Variants in ZNF26 observed in about 807,000 individuals in gnomAD.
ZNF26 encodes the protein epididymis luminal protein 179.
A neutral mutation model predicts 54.9 loss-of-function variants in ZNF26; 32 were observed. The ratio of observed to expected loss-of-function variants is 0.58; its 90% CI spans 0.44 to 0.78. ZNF26 has a LOEUF of 0.78. Among genes scored for constraint, ZNF26 ranks in the 30% least tolerant of loss-of-function variants. The pLI is 0.00. For synonymous variants in ZNF26, 221 were observed against 209.2 expected, an observed-to-expected ratio of 1.06 and a Z score of -0.49; for missense variants, 524 against 634.0, an observed-to-expected ratio of 0.83 and a Z score of 1.86.
At position 133,013,561 on chromosome 12, in the gene ZNF26, T is replaced by C. The variant is rs899260130; in HGVS notation, c.*2080T>C. ...CCTGAGGCCTCAGCCTAGCAAACTCTTCTGATAGACTTTGAATAGGAATGT... is the reference window on the plus strand; with the variant it reads ...CCTGAGGCCTCAGCCTAGCAAACTCCTCTGATAGACTTTGAATAGGAATGT... On this transcript the variant is annotated 3_prime_UTR_variant, in exon 4 of 4. Coordinates refer to ENST00000328654, the MANE Select transcript of ZNF26 (RefSeq NM_019591.4). 6.4e-6 allele frequency: 1 copy of C among 156,902 alleles called. No homozygotes were observed. Among genetic ancestry groups the C allele is most frequent in the Non-Finnish European group, 1.4e-5 (1 of 70,174 alleles). 9.7% of individuals were successfully genotyped at this position (156,902 alleles called of 1,614,324 possible). A position where few individuals can be genotyped will look rare whatever the true frequency, so the allele number is the denominator to read the frequency against.
intron 1 of ZNF26, among the ~76,000 whole-genome samples, chr12:132,992,355 C>A (rs1157299026): frequency 6.6e-6 from 1 of 151,418 alleles, no homozygotes; most frequent in Non-Finnish European, 1.5e-5. Flanking sequence ...ACTCCATTTT[C>A]TTGCTTGTGT....
rs1953632153 is a variant in ZNF26, at chr12:133,020,992, G to C, written c.*9511G>C. 1 of 150,584 alleles carries C rather than the reference G, an allele frequency of 6.6e-6. No individual in the cohort carries two copies. Among genetic ancestry groups the C allele is most frequent in the Non-Finnish European group, 1.5e-5 (1 of 67,020 alleles). 9.3% of individuals were successfully genotyped at this position (150,584 alleles called of 1,614,324 possible). A position where few individuals can be genotyped will look rare whatever the true frequency, so the allele number is the denominator to read the frequency against. ...CTCTCCAAATAAGGCCTCACTCTGA[G>C]GTATGGAAATTAGGACCCCAACATA... On this transcript the variant is annotated 3_prime_UTR_variant, in exon 4 of 4. Transcript: ENST00000328654.
intron 1 of ZNF26, among the ~76,000 whole-genome samples, chr12:132,997,123 TATGGTAAGTACCTGGTCTGACAC>T (rs1343750828): frequency 1.3e-5 from 2 of 152,182 alleles, no homozygotes; most frequent in African/African-American, 4.8e-5. Context: ...GGGTAGGATT[TATGGTAAGTACCTGGTCTGACAC>T]AAGGAACAAT....
At position 133,010,792 on chromosome 12, in the gene ZNF26, C is replaced by T; in HGVS notation, c.913C>T (p.Gln305Ter). 3.1e-6 allele frequency: 5 copies of T among 1,614,004 alleles called. No homozygotes were observed. The highest frequency in any genetic ancestry group is 4.2e-6 in the Non-Finnish European group (5 of 1,180,012). The change falls in exon 4 of 4, where the codon CAG (glutamine) becomes TAG (stop). Residue 305 changes from glutamine to a stop codon, truncating the protein, a stop_gained. Coordinates refer to ENST00000328654, the MANE Select transcript of ZNF26 (RefSeq NM_019591.4). LOFTEE classifies it high-confidence loss of function. ...TTTGAAGTCTCCATTCGTTGTACAC[C>T]AGAGAACTCATACAGGAGTGAAACC... ...FSLKSPFVVH[Q>*]RTHTGVKPHK...
Position 133,016,115 on chromosome 12 carries a change from C to G in ZNF26, c.*4634C>G, listed in dbSNP as rs1288550825. ...TGAGACAGAGTCTCACTGTGTCACC[C>G]ATGCTGGAGTGCAGTGGCGTGATCT... On this transcript the variant is annotated 3_prime_UTR_variant, in exon 4 of 4. Coordinates refer to ENST00000328654, the MANE Select transcript of ZNF26 (RefSeq NM_019591.4). 6.8e-6 allele frequency: 1 copy of G among 146,716 alleles called. No individual in the cohort carries two copies. Among genetic ancestry groups the G allele is most frequent in the East Asian group, 2.1e-4 (1 of 4,836 alleles). The allele number at this position is 146,716 out of a possible 1,614,324, so 9.1% of individuals were successfully genotyped here. A position where few individuals can be genotyped will look rare whatever the true frequency, so the allele number is the denominator to read the frequency against.
At chr12:132,992,952 G>A (rs1023915700) in intron 1 of ZNF26, among the ~76,000 whole-genome samples, 14 of 149,592 alleles carry the variant, frequency 9.4e-5, no homozygotes, top group Admixed American at 2.7e-4. Context: ...CCTCAATCTC[G>A]TGCAGTCTAC....
rs372159146 is a variant in ZNF26, at chr12:133,012,054, A to G, written c.*573A>G. 6.6e-6 allele frequency: 1 copy of G among 152,246 alleles called. No individual in the cohort carries two copies. Among genetic ancestry groups the G allele is most frequent in the African/African-American group, 2.4e-5 (1 of 41,530 alleles). 9.4% of individuals were successfully genotyped at this position (152,246 alleles called of 1,614,324 possible). A position where few individuals can be genotyped will look rare whatever the true frequency, so the allele number is the denominator to read the frequency against. On this transcript the variant is annotated 3_prime_UTR_variant, in exon 4 of 4. Coordinates refer to ENST00000328654, the MANE Select transcript of ZNF26 (RefSeq NM_019591.4). Reference sequence around the variant, plus strand: ...ACTTGTTCTATCTATCTATATATATATTTGATAGTTTGTGGAATAATATCC... The same window carrying G: ...ACTTGTTCTATCTATCTATATATATGTTTGATAGTTTGTGGAATAATATCC...
chr12:133,013,146 T>C lies in ZNF26; in HGVS notation c.*1665T>C, dbSNP rs1953518379. 6.6e-6 allele frequency: 1 copy of C among 152,300 alleles called. No homozygotes were observed. Among genetic ancestry groups the C allele is most frequent in the Non-Finnish European group, 1.5e-5 (1 of 68,026 alleles). 9.4% of individuals were successfully genotyped at this position (152,300 alleles called of 1,614,324 possible). Reference sequence around the variant, plus strand: ...TAGCATTATAAGAATTTTAAATTTATGAGAAAATCTGAGACAGGGGCAGAG... The same window carrying C: ...TAGCATTATAAGAATTTTAAATTTACGAGAAAATCTGAGACAGGGGCAGAG... On this transcript the variant is annotated 3_prime_UTR_variant, in exon 4 of 4. Coordinates refer to ENST00000328654, the MANE Select transcript of ZNF26 (RefSeq NM_019591.4).
intron 1 of ZNF26, among the ~76,000 whole-genome samples, chr12:133,000,464 A>G (rs1452163359): frequency 6.5e-5 from 7 of 107,960 alleles, no homozygotes; most frequent in African/African-American, 2.2e-4. Context: ...TCGCTCTGTC[A>G]CCCAGGCTGG....
intron 1 of ZNF26, among the ~76,000 whole-genome samples, chr12:132,989,365 A>G (rs1426698812): frequency 6.6e-6 from 1 of 152,142 alleles, no homozygotes; most frequent in Non-Finnish European, 1.5e-5. Flanking sequence ...TTGCACAATT[A>G]TGCCATCTGT....
rs1256363632 is a variant in ZNF26 at position 133,001,264 on chromosome 12, CT to C, written c.34-5775del. Among the ~76,000 whole-genome samples the C allele has an allele frequency of 6.6e-6, 1 of 152,136 alleles. No homozygotes were observed. The highest frequency in any genetic ancestry group is 2.4e-5 in the African/African-American group (1 of 41,440). On this transcript the variant is annotated intron_variant, in intron 1 of 3. Coordinates refer to ENST00000328654, the MANE Select transcript of ZNF26 (RefSeq NM_019591.4). This position sits in a 1 kb window ranked among gnomAD's most constrained non-coding sequence, Gnocchi z 4.7. ...CTTGTTTGTTATTGACTCTCAGTTA[CT>C]TTCAGGTATGGGAAAGTTCAGTCCA... is the stretch of plus-strand genomic sequence containing the variant.
chr12:133,010,165 C>A lies in ZNF26; in HGVS notation c.286C>A (p.Gln96Lys). ...DGWEEWYQNNQDELESIERSY... is the reference protein window; with the variant it reads ...DGWEEWYQNNKDELESIERSY... Reference sequence around the variant, plus strand: ...CTGGGAAGAATGGTACCAGAACAATCAAGATGAGCTTGAGAGTATTGAAAG... The same window carrying A: ...CTGGGAAGAATGGTACCAGAACAATAAAGATGAGCTTGAGAGTATTGAAAG... Residue 96 changes from glutamine (Q) to lysine (K), a missense_variant, in exon 4 of 4, where the codon CAA becomes AAA. Physicochemically the swap from Gln to Lys is moderately conservative, Grantham distance 53 (BLOSUM62 1). Transcript: ENST00000328654. 6.2e-7 allele frequency: 1 copy of A among 1,600,372 alleles called. No individual in the cohort carries two copies. Among genetic ancestry groups the A allele is most frequent in the South Asian group, 1.1e-5 (1 of 87,488 alleles).
Position 133,007,506 on chromosome 12 carries a change from C to G in ZNF26, c.230C>G (p.Ala77Gly). ...EQGEDPWIINAKISRQSCPDG... is the reference protein window; with the variant it reads ...EQGEDPWIINGKISRQSCPDG... ...GGAGAAGATCCATGGATAATAAATGCCAAAATTTCCAGGCAGAGCTGTCCA... is the reference window on the plus strand; with the variant it reads ...GGAGAAGATCCATGGATAATAAATGGCAAAATTTCCAGGCAGAGCTGTCCA... The change falls in exon 3 of 4, where the codon GCC becomes GGC. Residue 77 changes from alanine to glycine, a missense_variant. Coordinates refer to ENST00000328654, the MANE Select transcript of ZNF26 (RefSeq NM_019591.4). The G allele has an allele frequency of 6.2e-7, 1 of 1,613,556 alleles. No individual in the cohort carries two copies. Among genetic ancestry groups the G allele is most frequent in the Non-Finnish European group, 8.5e-7 (1 of 1,179,694 alleles).
rs944444374 is a variant in ZNF26 at position 133,021,514 on chromosome 12, C to G, written c.*10033C>G. 1 of 151,268 alleles carries G rather than the reference C, an allele frequency of 6.6e-6. No individual in the cohort carries two copies. The highest frequency in any genetic ancestry group is 6.6e-5 in the Admixed American group (1 of 15,198). The allele number at this position is 151,268 out of a possible 1,614,324, so 9.4% of individuals were successfully genotyped here. On this transcript the variant is annotated 3_prime_UTR_variant, in exon 4 of 4. Transcript: ENST00000328654. ...GGCATGGTGGCTCACATCTGTAATC[C>G]TAGCATTTTGGGAGGCCGAGGCGGG...
intron 1 of ZNF26, among the ~76,000 whole-genome samples, chr12:132,989,376 G>A (rs1489309290): frequency 2.6e-5 from 4 of 152,088 alleles, no homozygotes; most frequent in Non-Finnish European, 5.9e-5. Context: ...TGCCATCTGT[G>A]AACAAAGTTT....
Position 133,001,477 on chromosome 12 carries a change from C to A in ZNF26, c.34-5565C>A, listed in dbSNP as rs4758929. ...TCTCCTGTTGTGCGGTGGTCAGTAC[C>A]CAGAGTTATGACAGGCATCAGTGGG... On this transcript the variant is annotated intron_variant, in intron 1 of 3. Transcript: ENST00000328654. The surrounding 1 kb of genome is among the most constrained non-coding windows in gnomAD (Gnocchi z 4.7). 0.66 allele frequency among the ~76,000 whole-genome samples: 99,986 copies of A among 152,086 alleles called. 33,401 individuals are homozygous for A. The highest frequency in any genetic ancestry group is 0.86 in the East Asian group (4,468 of 5,174).
At chr12:133,000,877 G>C (rs1029960776) in intron 1 of ZNF26, among the ~76,000 whole-genome samples, 1 of 152,198 alleles carries the variant, frequency 6.6e-6, no homozygotes, top group East Asian at 1.9e-4. Context: ...TTCGTATCAA[G>C]CTTAAAGAAA....
In ZNF26 at chr12:133,010,640, G is replaced by A; in HGVS notation, c.761G>A (p.Gly254Glu). ...QLIVHQEIHTGGKPYGCSECG... is the reference protein window; with the variant it reads ...QLIVHQEIHTEGKPYGCSECG... Reference sequence around the variant, plus strand: ...ATTGTCCATCAGGAAATTCACACAGGAGGGAAACCCTATGGCTGCAGTGAA... The same window carrying A: ...ATTGTCCATCAGGAAATTCACACAGAAGGGAAACCCTATGGCTGCAGTGAA... Residue 254 changes from glycine (G) to glutamate (E), a missense_variant, in exon 4 of 4, where the codon GGA becomes GAA. Coordinates refer to ENST00000328654, the MANE Select transcript of ZNF26 (RefSeq NM_019591.4). The A allele has an allele frequency of 2.5e-6, 4 of 1,614,110 alleles. No homozygotes were observed. In the South Asian group the frequency reaches 3.3e-5, roughly 13 times the overall value.
chr12:133,009,853 G>A (rs936555079), intron 3 of ZNF26, among the ~76,000 whole-genome samples: 9 of 152,004 alleles, frequency 5.9e-5, no homozygotes, highest in Non-Finnish European at 1.2e-4. Flanking sequence ...ACAGGTGCCC[G>A]CCACCATGCC....
Sources: allele counts gnomAD v4.1 joint callset (sites outside exome capture counted in the v4.1 genomes callset), GRCh38; gene constraint gnomAD v4.1.1; non-coding constraint Gnocchi (gnomAD v3.1); transcripts MANE v1.5; gene names NCBI Gene and HGNC (gene_info 2026-07-23, HGNC 2026-07-21).